The following PIK3CB variants were observed in gnomAD, a reference collection of about 807,000 sequenced individuals.
The protein encoded by PIK3CB is phosphatidylinositol 4,5-bisphosphate 3-kinase catalytic subunit beta isoform.
PIK3CB carries 39 observed loss-of-function variants against 136.8 expected under a neutral mutation model. That is an observed-to-expected ratio of 0.29 (90% CI 0.22 to 0.37). The LOEUF is 0.37. Among genes scored for constraint, PIK3CB ranks in the 10% least tolerant of loss-of-function variants. The pLI is 1.00. For missense variants in PIK3CB, 868 were observed against 1,275.4 expected (o/e 0.68, Z 4.87); for synonymous variants, 428 against 436.6 (o/e 0.98, Z 0.25).
chr3:138,686,647 T>C (rs1202993147), intron 16 of PIK3CB, among the ~76,000 whole-genome samples: 2 of 152,180 alleles, frequency 1.3e-5, no homozygotes, highest in Admixed American at 1.3e-4. Context: ...GTAACAAGCA[T>C]ATAAAATATG....
intron 1 of PIK3CB, among the ~76,000 whole-genome samples, chr3:138,805,997 G>A (rs2046230291): frequency 6.6e-6 from 1 of 151,546 alleles, no homozygotes; most frequent in African/African-American, 2.4e-5. Flanking sequence ...CAAAGTGCTG[G>A]GATTACAGGC....
Position 138,796,456 on chromosome 3 carries a change from T to C in PIK3CB, c.-17+7A>G, listed in dbSNP as rs1185185950. The C allele has an allele frequency of 6.6e-6, 1 of 150,402 alleles. No individual in the cohort carries two copies. Among genetic ancestry groups the C allele is most frequent in the African/African-American group, 2.5e-5 (1 of 40,812 alleles). The allele number at this position is 150,402 out of a possible 1,614,324, so 9.3% of individuals were successfully genotyped here. A position where few individuals can be genotyped will look rare whatever the true frequency, so the allele number is the denominator to read the frequency against. ...AAGTAATTAAAAATACAAAATTGGA[T>C]ACTTACCTAAGAATGGTCGCCCCCA... On this transcript the variant is annotated splice_region_variant and intron_variant, in intron 2 of 23. Transcript: ENST00000674063.
At chr3:138,741,730 C>T (rs890757500) in intron 5 of PIK3CB, among the ~76,000 whole-genome samples, 8 of 151,568 alleles carry the variant, frequency 5.3e-5, no homozygotes, top group Non-Finnish European at 1.2e-4. Context: ...CAGGAAGCTG[C>T]GGCAAGAGAA....
chr3:138,719,801 C>T (rs1214505442), intron 8 of PIK3CB, among the ~76,000 whole-genome samples: 2 of 151,948 alleles, frequency 1.3e-5, no homozygotes, highest in Admixed American at 6.6e-5. Flanking sequence ...AAACACATTA[C>T]CAAAAATTCT....
intron 1 of PIK3CB, among the ~76,000 whole-genome samples, chr3:138,829,659 C>G (rs1933938226): frequency 6.6e-6 from 1 of 152,028 alleles, no homozygotes; most frequent in South Asian, 2.1e-4. Context: ...TGGTGGCGTG[C>G]GCCTATAATC....
At chr3:138,778,746 C>T (rs2108781721) in intron 2 of PIK3CB, 1 of 268,282 alleles carries the variant, frequency 3.7e-6, no homozygotes. Context: ...AAGCTCATTT[C>T]CTGGTATGAC....
chr3:138,703,579 G>T (rs1381029906), intron 12 of PIK3CB, among the ~76,000 whole-genome samples: 1 of 142,718 alleles, frequency 7.0e-6, no homozygotes, highest in African/African-American at 3.0e-5. Context: ...TATAGATATA[G>T]ATATGTAGAT....
Position 138,707,151 on chromosome 3 carries a change from T to C in PIK3CB, c.1530+8A>G. The C allele has an allele frequency of 6.8e-7, 1 of 1,479,164 alleles. No homozygotes were observed. The highest frequency in any genetic ancestry group is 2.3e-5 in the East Asian group (1 of 44,152). The allele number at this position is 1,479,164 out of a possible 1,614,324, so 91.6% of individuals were successfully genotyped here. A position where few individuals can be genotyped will look rare whatever the true frequency, so the allele number is the denominator to read the frequency against. Reference sequence around the variant, plus strand: ...CATGCATAGAGGTCCTTTAAATAATTAGCTTACCTTATCGAAGGGAGGGTA... The same window carrying C: ...CATGCATAGAGGTCCTTTAAATAATCAGCTTACCTTATCGAAGGGAGGGTA... On this transcript the variant is annotated splice_region_variant and intron_variant, in intron 11 of 23. Transcript: ENST00000674063.
At chr3:138,720,273 T>G (rs2044699677) in intron 8 of PIK3CB, among the ~76,000 whole-genome samples, 1 of 152,154 alleles carries the variant, frequency 6.6e-6, no homozygotes, top group African/African-American at 2.4e-5. Context: ...AATCACTAAT[T>G]ATTACATCTC....
intron 1 of PIK3CB, among the ~76,000 whole-genome samples, chr3:138,828,563 CTTATA>C (rs952378294): frequency 6.6e-6 from 1 of 151,952 alleles, no homozygotes; most frequent in Admixed American, 6.6e-5. Context: ...CATCATGAAG[CTTATA>C]TTATATTGGA....
chr3:138,805,774 G>C (rs1209490786), intron 1 of PIK3CB, among the ~76,000 whole-genome samples: 1 of 151,794 alleles, frequency 6.6e-6, no homozygotes, highest in Admixed American at 6.6e-5. Context: ...TCTGTCACCA[G>C]GCTGGAGTGC....
chr3:138,816,755 T>TTATA (rs1246568500), intron 1 of PIK3CB, among the ~76,000 whole-genome samples: 1 of 152,122 alleles, frequency 6.6e-6, no homozygotes, highest in African/African-American at 2.4e-5. Flanking sequence ...TTCTGAGGGT[T>TTATA]TATTCACCTC....
intron 8 of PIK3CB, among the ~76,000 whole-genome samples, chr3:138,726,174 A>T (rs1442259692): frequency 6.6e-6 from 1 of 152,214 alleles, no homozygotes; most frequent in Non-Finnish European, 1.5e-5. Context: ...TCAGTTCTCA[A>T]AGTATGTAGA....
intron 1 of PIK3CB, among the ~76,000 whole-genome samples, chr3:138,834,328 C>A (rs924421765): frequency 1.3e-5 from 2 of 152,168 alleles, no homozygotes; most frequent in Admixed American, 6.5e-5. Flanking sequence ...CGGGAAGTTC[C>A]GGAGGTGTCC....
rs1376277145 is a variant in PIK3CB, at chr3:138,681,357, T to A, written c.2504+610A>T. Among the ~76,000 whole-genome samples the A allele has an allele frequency of 2.0e-5, 3 of 152,324 alleles. No homozygotes were observed. The East Asian group carries it at 5.8e-4, about 29-fold the overall frequency. ...CAACATGCCTATTAGTTTGTTTTTATACTTTTTATAAAATGCCTTTTCACA... is the reference window on the plus strand; with the variant it reads ...CAACATGCCTATTAGTTTGTTTTTAAACTTTTTATAAAATGCCTTTTCACA... On this transcript the variant is annotated intron_variant, in intron 19 of 23. Coordinates refer to ENST00000674063, the MANE Select transcript of PIK3CB (RefSeq NM_006219.3).
At chr3:138,815,440 A>G (rs1576429471) in intron 1 of PIK3CB, among the ~76,000 whole-genome samples, 1 of 149,712 alleles carries the variant, frequency 6.7e-6, no homozygotes, top group Non-Finnish European at 1.5e-5. Flanking sequence ...GAAAAAAAAA[A>G]AGAAGAAAGA....
At chr3:138,688,193 G>T (rs184034395) in intron 16 of PIK3CB, among the ~76,000 whole-genome samples, 1 of 151,998 alleles carries the variant, frequency 6.6e-6, no homozygotes, top group Admixed American at 6.6e-5. Flanking sequence ...TGGAAATTAG[G>T]AATCTGATAT....
chr3:138,731,865 C>T (rs189061053), intron 8 of PIK3CB, among the ~76,000 whole-genome samples: 56 of 151,774 alleles, frequency 3.7e-4, no homozygotes, highest in Admixed American at 3.3e-3. Flanking sequence ...TGCCTGTAGT[C>T]CCAGTTACTG....
At chr3:138,734,884 C>T in intron 6 of PIK3CB, 80 bp from the exon 7 acceptor site, 1 of 909,944 alleles carries the variant, frequency 1.1e-6, no homozygotes, top group Non-Finnish European at 1.6e-6. Context: ...CTGAACAACA[C>T]TATATCAAAT....
Sources: gnomAD v4.1 joint callset for allele counts (sites outside exome capture counted in the v4.1 genomes callset) on GRCh38, gnomAD v4.1.1 for gene constraint, MANE v1.5 for transcripts, NCBI Gene and HGNC (gene_info 2026-07-23, HGNC 2026-07-21) for gene names.